Variants in ARFGAP3 observed in about 807,000 individuals in gnomAD.
The protein encoded by ARFGAP3 is ARF GTPase activating protein 3.
ARFGAP3 carries 72 observed loss-of-function variants against 75.0 expected under a neutral mutation model. That is an observed-to-expected ratio of 0.96 (90% confidence interval 0.79 to 1.17). The LOEUF (loss-of-function observed/expected upper bound fraction) is 1.17. ARFGAP3 is among the 50% of genes most tolerant of loss of function. The pLI is 0.00. For synonymous variants in ARFGAP3, 221 were observed against 217.9 expected (o/e 1.01, Z -0.13); for missense variants, 620 against 626.6 (o/e 0.99, Z 0.11).
chr22:42,808,577 T>A (rs957235224), intron 13 of ARFGAP3, among the ~76,000 whole-genome samples, 190 bp downstream of exon 13: 1 of 152,170 alleles, frequency 6.6e-6, no homozygotes, highest in Non-Finnish European at 1.5e-5. Context: ...TAAACATTCC[T>A]CTTGCTGAGG....
intron 14 of ARFGAP3, among the ~76,000 whole-genome samples, chr22:42,802,936 T>C (rs1428509353): frequency 2.6e-5 from 4 of 152,224 alleles, no homozygotes; most frequent in African/African-American, 9.6e-5. Flanking sequence ...CACGTATTAA[T>C]TTCTCTGCTT....
Position 42,849,814 on chromosome 22 carries a change from G to A in ARFGAP3, c.70-2182C>T, listed in dbSNP as rs553952714. On this transcript the variant is annotated intron_variant, in intron 1 of 15. Coordinates refer to ENST00000263245, the MANE Select transcript of ARFGAP3 (RefSeq NM_014570.5). ...GGGCTCAAGCAATTTGGGCCCTCTC[G>A]GCCTCCCAAAATGCTAGGATTACAG... Among the ~76,000 whole-genome samples, 6 of 151,846 alleles carry A rather than the reference G, an allele frequency of 4.0e-5. No individual in the cohort carries two copies. In the South Asian group the frequency reaches 1.0e-3, roughly 26 times the overall value.
At chr22:42,856,337 T>C (rs1927496427) in intron 1 of ARFGAP3, among the ~76,000 whole-genome samples, 1 of 152,134 alleles carries the variant, frequency 6.6e-6, no homozygotes, top group South Asian at 2.1e-4. Context: ...AACACTCGTG[T>C]CACAGGAGGG....
chr22:42,839,068 C>T (rs1357062070), intron 3 of ARFGAP3, among the ~76,000 whole-genome samples: 1 of 145,118 alleles, frequency 6.9e-6, no homozygotes, highest in East Asian at 2.0e-4. Context: ...TGAGATTGGG[C>T]CACTGCACTC....
intron 1 of ARFGAP3, among the ~76,000 whole-genome samples, chr22:42,856,692 G>A (rs1053424811): frequency 7.2e-5 from 11 of 152,196 alleles, no homozygotes; most frequent in Non-Finnish European, 1.3e-4. Flanking sequence ...GCGGGGTCGA[G>A]CTCCAGGGTG....
chr22:42,810,156 A>AT (rs1925300377), intron 12 of ARFGAP3, among the ~76,000 whole-genome samples: 1 of 151,848 alleles, frequency 6.6e-6, no homozygotes, highest in Admixed American at 6.6e-5. Context: ...TGCACTTCCT[A>AT]TTTAGAATCA....
At position 42,824,175 on chromosome 22, in the gene ARFGAP3, T is replaced by C. The variant is rs1449595128; in HGVS notation, c.626-473A>G. The stretch of plus-strand genomic sequence containing the variant: ...GCGCACCACCACATCTGGCTATTTT[T>C]TTTTTTTTTTTTTTTTTTTTTTAGA... On this transcript the variant is annotated intron_variant, in intron 7 of 15. Coordinates refer to ENST00000263245, the MANE Select transcript of ARFGAP3 (RefSeq NM_014570.5). 2.1e-5 allele frequency among the ~76,000 whole-genome samples: 3 copies of C among 139,830 alleles called. No homozygotes were observed. In the Admixed American group the frequency reaches 2.2e-4, roughly 10 times the overall value. 91.7% of individuals were successfully genotyped at this position (139,830 alleles called of 152,430 possible).
At chr22:42,837,352 G>A (rs1926562877) in intron 3 of ARFGAP3, among the ~76,000 whole-genome samples, 1 of 152,084 alleles carries the variant, frequency 6.6e-6, no homozygotes, top group African/African-American at 2.4e-5. Flanking sequence ...TGGGCCCGGT[G>A]GCTCATGCCT....
chr22:42,838,123 C>T (rs375460448), intron 3 of ARFGAP3, among the ~76,000 whole-genome samples: 1 of 151,722 alleles, frequency 6.6e-6, no homozygotes, highest in Non-Finnish European at 1.5e-5. Context: ...ATTAGGGAAA[C>T]ATTGGATCCA....
intron 11 of ARFGAP3, among the ~76,000 whole-genome samples, chr22:42,814,561 A>G (rs980791980): frequency 6.6e-6 from 1 of 152,216 alleles, no homozygotes; most frequent in Non-Finnish European, 1.5e-5. Flanking sequence ...CTTTTGATTA[A>G]GCCTTTGAAG....
At chr22:42,831,841 A>G (rs1267688959) in intron 5 of ARFGAP3, 1 of 698,952 alleles carries the variant, frequency 1.4e-6, no homozygotes, top group South Asian at 6.4e-5. Flanking sequence ...AGAGTGCAGA[A>G]GCACAATCAC....
chr22:42,803,059 G>C (rs1188679853), intron 14 of ARFGAP3, among the ~76,000 whole-genome samples: 1 of 152,222 alleles, frequency 6.6e-6, no homozygotes, highest in Non-Finnish European at 1.5e-5. Flanking sequence ...ACAGTGGTGT[G>C]ATCACAGCTG....
intron 14 of ARFGAP3, among the ~76,000 whole-genome samples, chr22:42,803,362 G>C (rs1924964911): frequency 6.6e-6 from 1 of 152,172 alleles, no homozygotes; most frequent in South Asian, 2.1e-4. Flanking sequence ...AAAGAGAAAA[G>C]GAGACAGTGG....
chr22:42,857,076 G>A (rs367574647), intron 1 of ARFGAP3, 38 bp downstream of exon 1: 124 of 1,484,006 alleles, frequency 8.4e-5, no homozygotes, highest in Non-Finnish European at 1.1e-4. Context: ...GTTCCCGCAG[G>A]GATGCCAGGC....
rs1476723346 is a variant in ARFGAP3, at chr22:42,831,435, G to A, written c.565+114C>T. 3.7e-6 allele frequency: 4 copies of A among 1,084,868 alleles called. No homozygotes were observed. In the East Asian group the frequency reaches 1.0e-4, roughly 28 times the overall value. 67.2% of individuals were successfully genotyped at this position (1,084,868 alleles called of 1,614,324 possible). A position where few individuals can be genotyped will look rare whatever the true frequency, so the allele number is the denominator to read the frequency against. On this transcript the variant is annotated intron_variant, in intron 6 of 15. Transcript: ENST00000263245. The stretch of plus-strand genomic sequence containing the variant: ...GATCCCCCCGCCTCAGCCTCGCAAA[G>A]TGCTGGGATTACAGGCATGAGCCAC...
intron 9 of ARFGAP3, among the ~76,000 whole-genome samples, chr22:42,818,375 T>C (rs1026952236): frequency 3.0e-4 from 46 of 152,334 alleles, no homozygotes; most frequent in African/African-American, 9.9e-4. Flanking sequence ...GATACATCTC[T>C]ATGCAATCAG....
Position 42,797,468 on chromosome 22 carries a change from C to T in ARFGAP3, c.*120G>A, listed in dbSNP as rs2146517807. 1 of 1,221,726 alleles carries T rather than the reference C, an allele frequency of 8.2e-7. No homozygotes were observed. Among genetic ancestry groups the T allele is most frequent in the East Asian group, 2.3e-5 (1 of 42,604 alleles). 75.7% of individuals were successfully genotyped at this position (1,221,726 alleles called of 1,614,324 possible). A position where few individuals can be genotyped will look rare whatever the true frequency, so the allele number is the denominator to read the frequency against. On this transcript the variant is annotated 3_prime_UTR_variant, in exon 16 of 16. Transcript: ENST00000263245. ...AATATTAAAAATCAGAAACATATAC[C>T]ATATGAAAAAGTAGCAAAACAATCT...
chr22:42,822,811 T>C (rs1446989360), intron 8 of ARFGAP3, among the ~76,000 whole-genome samples: 6 of 151,994 alleles, frequency 3.9e-5, no homozygotes. Flanking sequence ...TACTTTTTAT[T>C]TTTTTTTACT....
chr22:42,820,222 G>T (rs955645305), intron 9 of ARFGAP3, among the ~76,000 whole-genome samples: 1 of 152,118 alleles, frequency 6.6e-6, no homozygotes, highest in Non-Finnish European at 1.5e-5. Flanking sequence ...AGAAGCCATC[G>T]AAACACTCAA....
Sources: gnomAD v4.1 joint callset for allele counts (sites outside exome capture counted in the v4.1 genomes callset) on GRCh38, gnomAD v4.1.1 for gene constraint, MANE v1.5 for transcripts, NCBI Gene and HGNC (gene_info 2026-07-23, HGNC 2026-07-21) for gene names.